Variants in ERBB4 observed in about 807,000 individuals in gnomAD.
The protein encoded by ERBB4 is receptor tyrosine-protein kinase erbB-4.
Under a neutral mutation model 158.0 loss-of-function variants are expected in ERBB4, and 42 were observed. The observed-to-expected ratio is 0.27, with a 90% CI of 0.21 to 0.34. The LOEUF is 0.34. Among genes scored for constraint, ERBB4 ranks in the 10% least tolerant of loss-of-function variants. ERBB4 has a pLI of 1.00. For missense variants in ERBB4, 1,333 were observed against 1,624.1 expected, an observed-to-expected ratio of 0.82 and a Z score of 3.08; for synonymous variants, 583 against 558.7, an observed-to-expected ratio of 1.04 and a Z score of -0.61.
intron 2 of ERBB4, among the ~76,000 whole-genome samples, chr2:211,999,090 A>G (rs1236306156): frequency 6.6e-6 from 1 of 151,670 alleles, no homozygotes; most frequent in Non-Finnish European, 1.5e-5. Flanking sequence ...GCATAACTAG[A>G]TTTTTGAGGA....
At chr2:212,406,165 CACT>C (rs2091338566) in intron 1 of ERBB4, among the ~76,000 whole-genome samples, 1 of 152,062 alleles carries the variant, frequency 6.6e-6, no homozygotes, top group South Asian at 2.1e-4. Context: ...TTATATTCAG[CACT>C]ACTACCATCA....
At chr2:211,641,094 C>A (rs1171894094) in intron 16 of ERBB4, among the ~76,000 whole-genome samples, 1 of 151,890 alleles carries the variant, frequency 6.6e-6, no homozygotes, top group East Asian at 1.9e-4. Context: ...ATTTCAAGAC[C>A]CATACCTGTT....
At chr2:212,110,918 CT>C (rs1211935340) in intron 2 of ERBB4, among the ~76,000 whole-genome samples, 5 of 152,186 alleles carry the variant, frequency 3.3e-5, no homozygotes, top group African/African-American at 9.7e-5. Flanking sequence ...TAAAAGTTTA[CT>C]GATAAATGTT....
chr2:212,095,863 A>G (rs925448312), intron 2 of ERBB4, among the ~76,000 whole-genome samples: 2 of 146,058 alleles, frequency 1.4e-5, no homozygotes. Flanking sequence ...TAAACCTGGG[A>G]GGCGGAGCTT....
chr2:212,359,299 T>A (rs2089592032), intron 1 of ERBB4, among the ~76,000 whole-genome samples: 2 of 151,616 alleles, frequency 1.3e-5, no homozygotes, highest in South Asian at 4.1e-4. Flanking sequence ...CATATATATC[T>A]CCATCAATCT....
intron 3 of ERBB4, among the ~76,000 whole-genome samples, chr2:211,879,831 G>A (rs2078613468): frequency 6.6e-6 from 1 of 151,906 alleles, no homozygotes; most frequent in Non-Finnish European, 1.5e-5. Flanking sequence ...GATATTATAA[G>A]TTCCAATATG....
At chr2:212,191,648 C>G (rs1208537172) in intron 1 of ERBB4, among the ~76,000 whole-genome samples, 1 of 125,588 alleles carries the variant, frequency 8.0e-6, no homozygotes, top group East Asian at 2.0e-4. Context: ...CTATATATAA[C>G]ACATGCGTTA....
chr2:211,463,966 A>G (rs971292107), intron 20 of ERBB4, among the ~76,000 whole-genome samples: 4 of 152,016 alleles, frequency 2.6e-5, no homozygotes, highest in Non-Finnish European at 5.9e-5. Context: ...GAGATTTTGC[A>G]TTTGTTCTTC....
rs950183149 is a variant in ERBB4, at chr2:211,378,319, T to G, written c.*5296A>C. The G allele has an allele frequency of 8.6e-6, 2 of 232,606 alleles. No individual in the cohort carries two copies. The highest frequency in any genetic ancestry group is 1.7e-5 in the Non-Finnish European group (2 of 117,604). The allele number at this position is 232,606 out of a possible 1,614,324, so 14.4% of individuals were successfully genotyped here. On this transcript the variant is annotated 3_prime_UTR_variant, in exon 28 of 28. Transcript: ENST00000342788. ...ATTTTAGCTTGTGACTATAGAAGCA[T>G]TTACTTCTGCCCAAAATGTCACCTG...
chr2:212,069,475 C>T (rs1386860856), intron 2 of ERBB4, among the ~76,000 whole-genome samples: 1 of 152,010 alleles, frequency 6.6e-6, no homozygotes, highest in Non-Finnish European at 1.5e-5. Flanking sequence ...TGATGAAAGA[C>T]TTAATGCTTC....
intron 12 of ERBB4, among the ~76,000 whole-genome samples, chr2:211,688,606 A>G (rs529623351): frequency 6.6e-6 from 1 of 151,954 alleles, no homozygotes; most frequent in Non-Finnish European, 1.5e-5. Context: ...TTGTTATTTC[A>G]TCTTTGTCAG....
intron 2 of ERBB4, among the ~76,000 whole-genome samples, chr2:212,053,098 T>C (rs908183500): frequency 1.3e-5 from 2 of 152,098 alleles, no homozygotes; most frequent in Non-Finnish European, 2.9e-5. Flanking sequence ...CAGGAGGATC[T>C]CTTGAGCCCA....
intron 1 of ERBB4, among the ~76,000 whole-genome samples, chr2:212,242,291 C>T (rs2084138086): frequency 6.6e-6 from 1 of 151,892 alleles, no homozygotes; most frequent in South Asian, 2.1e-4. Flanking sequence ...GTTCCGAGTC[C>T]TAGTTATAAT....
At chr2:211,577,543 A>C (rs1314995329) in intron 19 of ERBB4, among the ~76,000 whole-genome samples, 2 of 152,026 alleles carry the variant, frequency 1.3e-5, no homozygotes, top group Non-Finnish European at 2.9e-5. Flanking sequence ...CCTGATGAAC[A>C]TAGATGAAAA....
chr2:211,469,093 G>C (rs1417369072), intron 20 of ERBB4, among the ~76,000 whole-genome samples: 1 of 152,004 alleles, frequency 6.6e-6, no homozygotes, highest in Admixed American at 6.6e-5. Context: ...ACCAAACAGA[G>C]CTGGAAGGGA....
intron 2 of ERBB4, among the ~76,000 whole-genome samples, chr2:211,988,296 G>A (rs2081987690): frequency 6.6e-6 from 1 of 152,046 alleles, no homozygotes; most frequent in Non-Finnish European, 1.5e-5. Context: ...CCGCTTACTA[G>A]TTTTATAATC....
At chr2:211,858,590 C>CT (rs2077931452) in intron 3 of ERBB4, among the ~76,000 whole-genome samples, 1 of 93,052 alleles carries the variant, frequency 1.1e-5, no homozygotes, top group Non-Finnish European at 2.5e-5. Flanking sequence ...CACAAAAAGC[C>CT]ATTTTTTTTT....
At chr2:212,495,089 CGA>C (rs1560478493) in intron 1 of ERBB4, among the ~76,000 whole-genome samples, 1 of 148,126 alleles carries the variant, frequency 6.8e-6, no homozygotes, top group Non-Finnish European at 1.5e-5. Flanking sequence ...GCACTTCAGA[CGA>C]CCTCAACTAC....
At chr2:211,634,116 T>C (rs1382453866) in intron 16 of ERBB4, among the ~76,000 whole-genome samples, 1 of 152,142 alleles carries the variant, frequency 6.6e-6, no homozygotes, top group African/African-American at 2.4e-5. Context: ...TATTTTCTAA[T>C]TTTTTATGAT....
Sources: allele counts gnomAD v4.1 joint callset (sites outside exome capture counted in the v4.1 genomes callset), GRCh38; gene constraint gnomAD v4.1.1; transcripts MANE v1.5; gene names NCBI Gene and HGNC (gene_info 2026-07-23, HGNC 2026-07-21).